The following SNX30 variants were observed in gnomAD, a reference collection of about 807,000 sequenced individuals.
SNX30 encodes the protein sorting nexin-30.
SNX30 carries 24 observed loss-of-function variants against 46.4 expected under a neutral mutation model. The ratio of observed to expected loss-of-function variants is 0.52; its 90% CI spans 0.37 to 0.73. The LOEUF (loss-of-function observed/expected upper bound fraction) is 0.73. SNX30 is among the 30% of genes least tolerant of loss of function. The probability of loss-of-function intolerance (pLI) is 0.00; values close to 1 mark genes in which losing one functional copy is unlikely to be tolerated. For missense variants in SNX30, 533 were observed against 555.7 expected (o/e 0.96, Z 0.41); for synonymous variants, 189 against 211.5 (o/e 0.89, Z 0.92).
intron 1 of SNX30, among the ~76,000 whole-genome samples, chr9:112,774,593 G>A (rs1839708390): frequency 1.3e-5 from 2 of 152,116 alleles, no homozygotes; most frequent in Admixed American, 1.3e-4. Context: ...TGAGAGTTGG[G>A]TAGCTCCACA....
At chr9:112,857,214 CCT>C (rs1201204076) in intron 7 of SNX30, among the ~76,000 whole-genome samples, 1 of 152,180 alleles carries the variant, frequency 6.6e-6, no homozygotes, top group Non-Finnish European at 1.5e-5. Context: ...CATGCCCTCA[CCT>C]CTCCCTCCCT....
At chr9:112,841,236 C>T (rs1840852095) in intron 6 of SNX30, among the ~76,000 whole-genome samples, 1 of 152,076 alleles carries the variant, frequency 6.6e-6, no homozygotes, top group Non-Finnish European at 1.5e-5. Flanking sequence ...TTTCCTGTGG[C>T]AAGTATGTTA....
rs549271945 is a variant in SNX30, at chr9:112,863,642, C to T, written c.1102-605C>T. Among the ~76,000 whole-genome samples the T allele has an allele frequency of 2.6e-5, 4 of 152,310 alleles. No individual in the cohort carries two copies. The South Asian group carries it at 6.2e-4, about 24-fold the overall frequency. ...CTCCTGTTTTCTCAGACTTCTCTAA[C>T]TCTCCATTTAAAAGTATCTGCTATT... is the stretch of plus-strand genomic sequence containing the variant. On this transcript the variant is annotated intron_variant, in intron 7 of 8. Coordinates refer to ENST00000374232, the MANE Select transcript of SNX30 (RefSeq NM_001012994.2).
intron 1 of SNX30, among the ~76,000 whole-genome samples, chr9:112,779,287 C>T (rs1839806227): frequency 6.6e-6 from 1 of 152,214 alleles, no homozygotes; most frequent in South Asian, 2.1e-4. Flanking sequence ...GCCTCATTAG[C>T]TTCACTGTGG....
chr9:112,865,770 T>G (rs1841330709), intron 8 of SNX30, among the ~76,000 whole-genome samples: 1 of 146,946 alleles, frequency 6.8e-6, no homozygotes, highest in African/African-American at 2.6e-5. Context: ...TATGTATGTA[T>G]GTATGTATAT....
intron 6 of SNX30, among the ~76,000 whole-genome samples, chr9:112,841,893 A>G (rs1263694552): frequency 1.3e-5 from 2 of 152,148 alleles, no homozygotes; most frequent in African/African-American, 4.8e-5. Flanking sequence ...TTTGCTGTGC[A>G]GTATGGAAAC....
chr9:112,868,927 A>G lies in SNX30; in HGVS notation c.*84A>G. 1 of 1,331,056 alleles carries G rather than the reference A, an allele frequency of 7.5e-7. No individual in the cohort carries two copies. The highest frequency in any genetic ancestry group is 2.3e-5 in the East Asian group (1 of 43,484). The allele number at this position is 1,331,056 out of a possible 1,614,324, so 82.5% of individuals were successfully genotyped here. A position where few individuals can be genotyped will look rare whatever the true frequency, so the allele number is the denominator to read the frequency against. On this transcript the variant is annotated 3_prime_UTR_variant, in exon 9 of 9. Coordinates refer to ENST00000374232, the MANE Select transcript of SNX30 (RefSeq NM_001012994.2). The stretch of plus-strand genomic sequence containing the variant: ...AATGTCCCTGCAGTGCCAGAGACGC[A>G]GTGCTGGGAAAACAACCACAGAAAC...
chr9:112,791,399 C>CTTTTTTTTTTTTTTTTTT lies in SNX30; in HGVS notation c.157-13365_157-13348dup, dbSNP rs386415930. 1.5e-4 allele frequency among the ~76,000 whole-genome samples: 10 copies of CTTTTTTTTTTTTTTTTTT among 67,476 alleles called. 3 individuals are homozygous for CTTTTTTTTTTTTTTTTTT. Among genetic ancestry groups the CTTTTTTTTTTTTTTTTTT allele is most frequent in the African/African-American group, 4.9e-4 (8 of 16,300 alleles). 44.3% of individuals were successfully genotyped at this position (67,476 alleles called of 152,430 possible). On this transcript the variant is annotated intron_variant, in intron 1 of 8. Coordinates refer to ENST00000374232, the MANE Select transcript of SNX30 (RefSeq NM_001012994.2). ...AAATACTTTTAAACATATTTAGGAA[C>CTTTTTTTTTTTTTTTTTT]TTTTTTTTTTTTTTTTTTTTTTTTT...
chr9:112,832,837 T>A (rs1840689226), intron 4 of SNX30, among the ~76,000 whole-genome samples: 1 of 146,572 alleles, frequency 6.8e-6, no homozygotes, highest in African/African-American at 2.5e-5. Flanking sequence ...ATAATAAATA[T>A]ATTAATATAT....
At chr9:112,768,407 A>G (rs1425530043) in intron 1 of SNX30, among the ~76,000 whole-genome samples, 2 of 152,172 alleles carry the variant, frequency 1.3e-5, no homozygotes, top group Non-Finnish European at 2.9e-5. Flanking sequence ...CTAATTCCAG[A>G]TACAGAGATT....
At chr9:112,759,962 T>G (rs2796031) in intron 1 of SNX30, among the ~76,000 whole-genome samples, 143,281 of 152,218 alleles carry the variant, frequency 0.94, 67,537 homozygotes, top group East Asian at 1. Flanking sequence ...ATGGGAGGTG[T>G]TGGTGGTTGT....
chr9:112,779,740 G>A (rs562427861), intron 1 of SNX30, among the ~76,000 whole-genome samples: 1 of 152,256 alleles, frequency 6.6e-6, no homozygotes, highest in African/African-American at 2.4e-5. Context: ...TGAAGGGTGA[G>A]GGCAGGTGAG....
At chr9:112,847,808 T>C (rs1840962199) in intron 6 of SNX30, among the ~76,000 whole-genome samples, 1 of 152,182 alleles carries the variant, frequency 6.6e-6, no homozygotes, top group Non-Finnish European at 1.5e-5. Context: ...ATCTTGTGAG[T>C]GTGAGGCCCT....
chr9:112,878,393 C>T (rs1841540568), downstream of SNX30: 2 of 152,214 alleles, frequency 1.3e-5, 1 homozygote, highest in Admixed American at 1.3e-4. Flanking sequence ...CCTGGAATGT[C>T]CCCCAACATC....
Position 112,850,844 on chromosome 9 carries a change from C to G in SNX30, c.1015-15C>G. The G allele has an allele frequency of 2.5e-6, 4 of 1,606,642 alleles. No homozygotes were observed. The highest frequency in any genetic ancestry group is 3.4e-6 in the Non-Finnish European group (4 of 1,174,000). ...GGACTCAGTGTTACATGCTTCTCTC[C>G]TCTGCCTCCCACAGAGTGTATTGAA... On this transcript the variant is annotated splice_polypyrimidine_tract_variant and intron_variant, in intron 6 of 8. Coordinates refer to ENST00000374232, the MANE Select transcript of SNX30 (RefSeq NM_001012994.2).
rs1564255587 is a variant in SNX30, at chr9:112,750,883, C to T, written c.-119C>T. 4.2e-6 allele frequency: 4 copies of T among 961,236 alleles called. No individual in the cohort carries two copies. The South Asian group carries it at 1.5e-4, about 36-fold the overall frequency. 59.5% of individuals were successfully genotyped at this position (961,236 alleles called of 1,614,324 possible). On this transcript the variant is annotated 5_prime_UTR_variant, in exon 1 of 9. Coordinates refer to ENST00000374232, the MANE Select transcript of SNX30 (RefSeq NM_001012994.2). ...GGGTGGCGGCGGCCCCCAGCACGGC[C>T]GGTGCAAGGCCTCGGGTTAAGCGGC... is the stretch of plus-strand genomic sequence containing the variant.
chr9:112,751,048 C>G lies in SNX30; in HGVS notation c.47C>G (p.Ser16Cys). 1 of 1,489,118 alleles carries G rather than the reference C, an allele frequency of 6.7e-7. No homozygotes were observed. The highest frequency in any genetic ancestry group is 8.9e-7 in the Non-Finnish European group (1 of 1,125,442). 92.2% of individuals were successfully genotyped at this position (1,489,118 alleles called of 1,614,324 possible). ...PKALPSTGPH[S>C]LRDMPHPLAG... ...GCCCTGCCGTCCACGGGGCCCCACT[C>G]CCTGCGCGACATGCCGCACCCGCTG... Residue 16 changes from serine (S) to cysteine (C), a missense_variant, in exon 1 of 9, where the codon TCC becomes TGC. Physicochemically the swap from Ser to Cys is moderately radical, Grantham distance 112. Transcript: ENST00000374232.
At chr9:112,770,124 A>G (rs891630609) in intron 1 of SNX30, among the ~76,000 whole-genome samples, 1 of 152,114 alleles carries the variant, frequency 6.6e-6, no homozygotes, top group Non-Finnish European at 1.5e-5. Context: ...TATTTAAAAC[A>G]TAAGAAACAT....
At chr9:112,853,969 CT>C (rs1841076725) in intron 7 of SNX30, among the ~76,000 whole-genome samples, 1 of 152,214 alleles carries the variant, frequency 6.6e-6, no homozygotes, top group Non-Finnish European at 1.5e-5. Context: ...CCAACAAGTT[CT>C]GCCACTGGCC....
Sources: gnomAD v4.1 joint callset for allele counts (sites outside exome capture counted in the v4.1 genomes callset) on GRCh38, gnomAD v4.1.1 for gene constraint, MANE v1.5 for transcripts, NCBI Gene and HGNC (gene_info 2026-07-23, HGNC 2026-07-21) for gene names.